The following RALGPS2 variants were observed in gnomAD, a reference collection of about 807,000 sequenced individuals.
The protein encoded by RALGPS2 is Ral GEF with PH domain and SH3 binding motif 2.
Under a neutral mutation model 86.8 loss-of-function variants are expected in RALGPS2, and 43 were observed. That is an observed-to-expected ratio of 0.50 (90% confidence interval 0.39 to 0.64). RALGPS2 has a LOEUF of 0.64. RALGPS2 is among the 30% of genes least tolerant of loss of function. The pLI, the probability that RALGPS2 is intolerant of heterozygous loss-of-function variation, is 0.00. For synonymous variants in RALGPS2, 243 were observed against 231.3 expected, an observed-to-expected ratio of 1.05 and a Z score of -0.46; for missense variants, 536 against 694.6, an observed-to-expected ratio of 0.77 and a Z score of 2.57.
rs1352028490 is a variant in RALGPS2 at position 178,919,749 on chromosome 1, G to T, written c.*3390G>T. 1 of 152,000 alleles carries T rather than the reference G, an allele frequency of 6.6e-6. No individual in the cohort carries two copies. Among genetic ancestry groups the T allele is most frequent in the Non-Finnish European group, 1.5e-5 (1 of 67,912 alleles). 9.4% of individuals were successfully genotyped at this position (152,000 alleles called of 1,614,324 possible). A position where few individuals can be genotyped will look rare whatever the true frequency, so the allele number is the denominator to read the frequency against. On this transcript the variant is annotated 3_prime_UTR_variant, in exon 20 of 20. Transcript: ENST00000367635. Reference sequence around the variant, plus strand: ...TTTTTAAATGAATAGATCTGGTATTGATTTCCTTCCTGTTTTTTTGAGGCA... The same window carrying T: ...TTTTTAAATGAATAGATCTGGTATTTATTTCCTTCCTGTTTTTTTGAGGCA...
intron 4 of RALGPS2, among the ~76,000 whole-genome samples, chr1:178,799,434 A>AG (rs1327411273): frequency 1.3e-5 from 2 of 152,096 alleles, no homozygotes; most frequent in African/African-American, 4.8e-5. Flanking sequence ...CCACAATTTA[A>AG]GGCAGATGGG....
At chr1:178,839,047 G>A (rs1029878325) in intron 8 of RALGPS2, among the ~76,000 whole-genome samples, 9 of 152,214 alleles carry the variant, frequency 5.9e-5, no homozygotes, top group East Asian at 1.9e-4. Flanking sequence ...TGGTATACCC[G>A]AAAGTGACAG....
chr1:178,896,467 C>CTTTTTTTTTTTTTT (rs754576893), intron 16 of RALGPS2, among the ~76,000 whole-genome samples: 1 of 136,880 alleles, frequency 7.3e-6, no homozygotes, highest in African/African-American at 2.7e-5. Flanking sequence ...TTTTTTTTTT[C>CTTTTTTTTTTTTTT]TTTTTTTTTT....
At chr1:178,794,186 G>A (rs755079662) in intron 4 of RALGPS2, among the ~76,000 whole-genome samples, 6 of 151,978 alleles carry the variant, frequency 3.9e-5, no homozygotes, top group Admixed American at 2.0e-4. Context: ...ATGTGATCTC[G>A]GTTCACTGCA....
At chr1:178,842,594 A>G (rs1656644978) in intron 8 of RALGPS2, among the ~76,000 whole-genome samples, 1 of 104,520 alleles carries the variant, frequency 9.6e-6, no homozygotes, top group Non-Finnish European at 1.9e-5. Flanking sequence ...AGGCATGGGC[A>G]AGGACTTCAT....
At chr1:178,893,670 A>C (rs1485343114) in intron 15 of RALGPS2, among the ~76,000 whole-genome samples, 1 of 151,944 alleles carries the variant, frequency 6.6e-6, no homozygotes, top group East Asian at 1.9e-4. Flanking sequence ...TTCTTTCTAA[A>C]TTATACTGTT....
chr1:178,765,279 G>A (rs768266148), intron 1 of RALGPS2, among the ~76,000 whole-genome samples: 1 of 151,372 alleles, frequency 6.6e-6, no homozygotes, highest in Admixed American at 6.6e-5. Flanking sequence ...TTCCCTAAAT[G>A]TCGGCCAGTC....
chr1:178,877,397 A>G (rs1659049436), intron 8 of RALGPS2, 101 bp from the exon 9 acceptor site: 4 of 1,493,566 alleles, frequency 2.7e-6, no homozygotes, highest in Non-Finnish European at 9.0e-7. Context: ...AATGTAGCGT[A>G]CAGTGGAATA....
chr1:178,862,835 T>C (rs192309849), intron 8 of RALGPS2, among the ~76,000 whole-genome samples: 194 of 152,246 alleles, frequency 1.3e-3, no homozygotes, highest in Non-Finnish European at 2.3e-3. Context: ...ATTGGACTTT[T>C]TCTGTTTGCA....
intron 1 of RALGPS2, among the ~76,000 whole-genome samples, chr1:178,736,550 C>T (rs1375706057): frequency 2.0e-5 from 3 of 152,122 alleles, no homozygotes; most frequent in Admixed American, 6.6e-5. Context: ...TCTTCACATC[C>T]TACCCATTCT....
intron 7 of RALGPS2, among the ~76,000 whole-genome samples, chr1:178,824,544 C>G (rs1194813325): frequency 1.3e-5 from 2 of 152,118 alleles, no homozygotes; most frequent in Admixed American, 6.6e-5. Flanking sequence ...AGTGGTGGCT[C>G]ATGCCTGTAA....
intron 8 of RALGPS2, chr1:178,853,315 C>T: frequency 1.4e-6 from 1 of 707,272 alleles, no homozygotes; most frequent in Non-Finnish European, 1.7e-6. Flanking sequence ...AAGAGCCCAA[C>T]ATTTTTTTCC....
intron 1 of RALGPS2, among the ~76,000 whole-genome samples, chr1:178,767,464 T>C (rs1652564344): frequency 6.6e-6 from 1 of 150,868 alleles, no homozygotes; most frequent in Admixed American, 6.7e-5. Flanking sequence ...TCTAGTCTGC[T>C]CTTGGGTTGT....
At chr1:178,783,143 A>C (rs1338311412) in intron 2 of RALGPS2, among the ~76,000 whole-genome samples, 1 of 152,224 alleles carries the variant, frequency 6.6e-6, no homozygotes, top group Non-Finnish European at 1.5e-5. Context: ...TAATATAGGC[A>C]GGGATATTAA....
intron 2 of RALGPS2, among the ~76,000 whole-genome samples, chr1:178,778,829 G>A (rs1278164192): frequency 2.0e-5 from 3 of 151,920 alleles, no homozygotes; most frequent in Admixed American, 1.3e-4. Context: ...TCACTCATAG[G>A]TGGGAATTGA....
intron 1 of RALGPS2, among the ~76,000 whole-genome samples, chr1:178,771,944 T>C (rs562898108): frequency 1.3e-5 from 2 of 152,336 alleles, no homozygotes; most frequent in African/African-American, 4.8e-5. Context: ...TGATGTTCAG[T>C]TTAGCCTCAC....
At chr1:178,817,680 G>T (rs1357807723) in intron 6 of RALGPS2, among the ~76,000 whole-genome samples, 1 of 152,076 alleles carries the variant, frequency 6.6e-6, no homozygotes. Context: ...TTTGATTGAG[G>T]TTTTATTGAA....
intron 7 of RALGPS2, among the ~76,000 whole-genome samples, chr1:178,822,572 G>C (rs1339851485): frequency 6.6e-6 from 1 of 152,042 alleles, no homozygotes; most frequent in Non-Finnish European, 1.5e-5. Flanking sequence ...TGAAGAGACA[G>C]ATGTTTCCCA....
intron 8 of RALGPS2, among the ~76,000 whole-genome samples, chr1:178,854,660 T>C (rs1477873294): frequency 6.6e-6 from 1 of 152,200 alleles, no homozygotes; most frequent in Non-Finnish European, 1.5e-5. Context: ...ATAGAACGAT[T>C]AACTAAGGTC....
Sources: gnomAD v4.1 joint callset for allele counts (sites outside exome capture counted in the v4.1 genomes callset) on GRCh38, gnomAD v4.1.1 for gene constraint, MANE v1.5 for transcripts, NCBI Gene and HGNC (gene_info 2026-07-23, HGNC 2026-07-21) for gene names.